Variants in TMEM200A observed in about 807,000 individuals in gnomAD.
The protein encoded by TMEM200A is transmembrane protein 200A.
TMEM200A carries 12 observed loss-of-function variants against 24.3 expected under a neutral mutation model. The observed-to-expected ratio is 0.49, with a 90% CI of 0.32 to 0.80. The LOEUF (loss-of-function observed/expected upper bound fraction) is 0.80, where lower values mean the gene tolerates loss of function less well. TMEM200A is among the 30% of genes least tolerant of loss of function. The pLI is 0.04. For missense variants in TMEM200A, 545 were observed against 614.4 expected (o/e 0.89, Z 1.19); for synonymous variants, 224 against 224.4 (o/e 1.00, Z 0.02).
At position 130,419,248 on chromosome 6, in the gene TMEM200A, T is replaced by C. The variant is rs138199125; in HGVS notation, c.-16-21159T>C. Among the ~76,000 whole-genome samples the C allele has an allele frequency of 4.1e-4, 62 of 152,308 alleles. 1 individual carries two copies. Among genetic ancestry groups the C allele is most frequent in the African/African-American group, 1.4e-3 (60 of 41,580 alleles). On this transcript the variant is annotated intron_variant, in intron 2 of 2. Transcript: ENST00000296978. ...ATTCATGTTGCTGCAGATGACATGG[T>C]TTTACTATTTTTTGTGGCCAAATAG... is the stretch of plus-strand genomic sequence containing the variant.
At chr6:130,388,848 C>T (rs1361197795) in intron 2 of TMEM200A, among the ~76,000 whole-genome samples, 1 of 152,094 alleles carries the variant, frequency 6.6e-6, no homozygotes, top group Non-Finnish European at 1.5e-5. Flanking sequence ...TATAAAATCA[C>T]CTAACTCATG....
chr6:130,368,337 A>G (rs975198363), intron 1 of TMEM200A, among the ~76,000 whole-genome samples: 8 of 152,244 alleles, frequency 5.3e-5, no homozygotes, highest in African/African-American at 1.7e-4. Context: ...ATAGATAAGA[A>G]CAAAGATAAA....
chr6:130,398,888 C>T (rs112346591), intron 2 of TMEM200A, among the ~76,000 whole-genome samples: 52 of 152,082 alleles, frequency 3.4e-4, no homozygotes, highest in African/African-American at 1.1e-3. Context: ...TCCCAATTGC[C>T]TCTCATATCT....
intron 2 of TMEM200A, among the ~76,000 whole-genome samples, chr6:130,425,823 A>C (rs1188255630): frequency 1.3e-5 from 2 of 152,174 alleles, no homozygotes; most frequent in African/African-American, 4.8e-5. Flanking sequence ...TTAATCTCCA[A>C]AAGACTACAA....
At chr6:130,392,599 C>T (rs1778860559) in intron 2 of TMEM200A, among the ~76,000 whole-genome samples, 1 of 152,168 alleles carries the variant, frequency 6.6e-6, no homozygotes, top group Non-Finnish European at 1.5e-5. Context: ...TAGTGTCTCC[C>T]ATCGCCTAGT....
chr6:130,440,311 A>G, intron 2 of TMEM200A, 96 bp from the exon 3 acceptor site: 1 of 1,292,420 alleles, frequency 7.7e-7, no homozygotes. Context: ...TGCAACAGCA[A>G]CAAAAATTCT....
rs760073045 is a variant in TMEM200A, at chr6:130,440,397, T to C, written c.-16-10T>C. ...TACATCATCTTTTTCCTTTTTTTTTTCTTCTTCAGAGTAAAAGGCCAAGCT... is the reference window on the plus strand; with the variant it reads ...TACATCATCTTTTTCCTTTTTTTTTCCTTCTTCAGAGTAAAAGGCCAAGCT... On this transcript the variant is annotated splice_polypyrimidine_tract_variant and intron_variant, in intron 2 of 2. Coordinates refer to ENST00000296978, the MANE Select transcript of TMEM200A (RefSeq NM_001258277.2). 9 of 1,509,620 alleles carry C rather than the reference T, an allele frequency of 6.0e-6. No homozygotes were observed. The highest frequency in any genetic ancestry group is 1.4e-5 in the South Asian group (1 of 71,348). 93.5% of individuals were successfully genotyped at this position (1,509,620 alleles called of 1,614,324 possible).
chr6:130,397,434 A>G (rs1778977031), intron 2 of TMEM200A, among the ~76,000 whole-genome samples: 1 of 152,038 alleles, frequency 6.6e-6, no homozygotes, highest in South Asian at 2.1e-4. Context: ...CAGATTTAAG[A>G]TTACTTTATT....
At chr6:130,382,259 G>A (rs1243017138) in intron 1 of TMEM200A, among the ~76,000 whole-genome samples, 1 of 152,200 alleles carries the variant, frequency 6.6e-6, no homozygotes, top group Non-Finnish European at 1.5e-5. Context: ...GGCACAGTGT[G>A]TGGCACAAAG....
At chr6:130,437,921 G>C (rs1460899579) in intron 2 of TMEM200A, 1 of 151,996 alleles carries the variant, frequency 6.6e-6, no homozygotes, top group East Asian at 1.9e-4. Flanking sequence ...AAGTGGGGGA[G>C]GACTAGAAAT....
chr6:130,368,892 G>A lies in TMEM200A; in HGVS notation c.-81+2368G>A, dbSNP rs563372051. On this transcript the variant is annotated intron_variant, in intron 1 of 2. Transcript: ENST00000296978. ...AGTTCCTCCACCTTTCTGCTCCTTG[G>A]TGCCCTTATCTGCAGAATGAGGGCT... 4.5e-4 allele frequency among the ~76,000 whole-genome samples: 69 copies of A among 152,266 alleles called. 1 individual carries two copies. The South Asian group carries it at 0.014, about 31-fold the overall frequency.
At chr6:130,376,450 T>C (rs1778458139) in intron 1 of TMEM200A, among the ~76,000 whole-genome samples, 1 of 152,064 alleles carries the variant, frequency 6.6e-6, no homozygotes. Context: ...GCCTGGCTAA[T>C]TTTTGTATTT....
Position 130,441,959 on chromosome 6 carries a change from T to C in TMEM200A, c.*61T>C. 1 of 1,460,148 alleles carries C rather than the reference T, an allele frequency of 6.8e-7. No individual in the cohort carries two copies. 90.4% of individuals were successfully genotyped at this position (1,460,148 alleles called of 1,614,324 possible). A position where few individuals can be genotyped will look rare whatever the true frequency, so the allele number is the denominator to read the frequency against. ...TTTTAAAACGATTTTCACTGGTGTT[T>C]CCTTCTTAAAGTATTGGCTGTAAGC... On this transcript the variant is annotated 3_prime_UTR_variant, in exon 3 of 3. Coordinates refer to ENST00000296978, the MANE Select transcript of TMEM200A (RefSeq NM_001258277.2).
At chr6:130,402,042 T>C (rs1349727948) in intron 2 of TMEM200A, among the ~76,000 whole-genome samples, 1 of 151,382 alleles carries the variant, frequency 6.6e-6, no homozygotes, top group African/African-American at 2.4e-5. Flanking sequence ...TACAGGAGTT[T>C]AAAATTTTGT....
intron 2 of TMEM200A, among the ~76,000 whole-genome samples, chr6:130,417,922 C>T (rs1779496646): frequency 6.6e-6 from 1 of 152,124 alleles, no homozygotes. Flanking sequence ...TCTTAATTTG[C>T]ACACATCCAT....
At chr6:130,402,603 A>G (rs973161129) in intron 2 of TMEM200A, among the ~76,000 whole-genome samples, 79 of 152,130 alleles carry the variant, frequency 5.2e-4, no homozygotes, top group African/African-American at 1.9e-3. Flanking sequence ...AGCATATATC[A>G]TAGCCAAGAC....
Position 130,441,763 on chromosome 6 carries a change from A to T in TMEM200A, c.1341A>T (p.Gln447His), listed in dbSNP as rs773495036. Residue 447 changes from glutamine to histidine, a missense_variant, in exon 3 of 3, where the codon CAA becomes CAT. Coordinates refer to ENST00000296978, the MANE Select transcript of TMEM200A (RefSeq NM_001258277.2). ...CGATGGATAGGTTGCTTGTGCCCCA[A>T]GTTGCCATCAAAAAGGACTTTACCA... is the stretch of plus-strand genomic sequence containing the variant. ...EDPMDRLLVP[Q>H]VAIKKDFTNK... 4 of 1,614,082 alleles carry T rather than the reference A, an allele frequency of 2.5e-6. No individual in the cohort carries two copies. In the South Asian group the frequency reaches 3.3e-5, roughly 13 times the overall value.
chr6:130,386,830 T>C (rs1405874489), intron 2 of TMEM200A, among the ~76,000 whole-genome samples: 3 of 152,256 alleles, frequency 2.0e-5, no homozygotes, highest in Non-Finnish European at 4.4e-5. Flanking sequence ...ACTTTAAAAC[T>C]ATGCTCAAAG....
At chr6:130,436,659 T>TTTTTTTTTTTC in intron 2 of TMEM200A, among the ~76,000 whole-genome samples, 1 of 117,406 alleles carries the variant, frequency 8.5e-6, no homozygotes, top group African/African-American at 3.9e-5. Context: ...TTTTTTTTTT[T>TTTTTTTTTTTC]TTTCAGAGAG....
Sources: allele counts gnomAD v4.1 joint callset (sites outside exome capture counted in the v4.1 genomes callset), GRCh38; gene constraint gnomAD v4.1.1; transcripts MANE v1.5; gene names NCBI Gene and HGNC (gene_info 2026-07-23, HGNC 2026-07-21).